Variants in FGD1 observed in about 807,000 individuals in gnomAD.
FGD1 encodes the protein FYVE, RhoGEF and PH domain-containing protein 1.
A neutral mutation model predicts 65.0 loss-of-function variants in FGD1; 12 were observed. The observed-to-expected ratio is 0.18, with a 90% CI of 0.12 to 0.30. FGD1 has a LOEUF of 0.30. FGD1 is among the 10% of genes least tolerant of loss of function. FGD1 has a pLI of 1.00. For missense variants in FGD1, 542 were observed against 837.6 expected (o/e 0.65, Z 4.36); for synonymous variants, 333 against 343.9 (o/e 0.97, Z 0.35).
At chrX:54,449,531 C>T (rs1021998752) in intron 14 of FGD1, 128 bp downstream of exon 14, 3 of 543,678 alleles carry the variant, frequency 5.5e-6, no homozygotes, top group Non-Finnish European at 6.3e-6. Flanking sequence ...AAGACTGCTT[C>T]TGAAGTCATG....
chrX:54,452,266 CAAAAAA>C (rs776104292), intron 12 of FGD1, among the ~76,000 whole-genome samples: 2 of 28,825 alleles, frequency 6.9e-5, no homozygotes, highest in Non-Finnish European at 1.4e-4. Context: ...GACCCTATCT[CAAAAAA>C]AAAAAAAAAA....
At chrX:54,448,710 A>G (rs1297733925) in intron 16 of FGD1, 96 bp downstream of exon 16, 3 of 926,459 alleles carry the variant, frequency 3.2e-6, no homozygotes, top group Admixed American at 4.8e-5. Context: ...CTTGATCACT[A>G]CTGTTTCCCA....
chrX:54,462,378 C>CACTTCCCA (rs1234584253), intron 8 of FGD1, among the ~76,000 whole-genome samples: 9 of 107,678 alleles, frequency 8.4e-5, no homozygotes, highest in African/African-American at 3.1e-4. Flanking sequence ...CACAGCTGTC[C>CACTTCCCA]ACTTCCCATT....
intron 12 of FGD1, among the ~76,000 whole-genome samples, chrX:54,452,053 G>A (rs1168244374): frequency 1.9e-5 from 2 of 107,963 alleles, no homozygotes; most frequent in African/African-American, 3.4e-5. Context: ...GATTGCTTGA[G>A]GCCAGGAGTT....
At position 54,482,236 on chromosome X, in the gene FGD1, G is replaced by GCGCGCACA. The variant is rs796491256; in HGVS notation, c.308-10750_308-10749insTGTGCGCG. ...CAGGCACATGCGCGCGCACACGCGC[G>GCGCGCACA]CACACACACACACACACACACACAC... On this transcript the variant is annotated intron_variant, in intron 1 of 17. Transcript: ENST00000375135. Among the ~76,000 whole-genome samples the GCGCGCACA allele has an allele frequency of 2.8e-3, 276 of 99,380 alleles. 3 individuals are homozygous for GCGCGCACA. Among genetic ancestry groups the GCGCGCACA allele is most frequent in the Middle Eastern group, 0.022 (4 of 185 alleles). The allele number at this position is 99,380 out of a possible 115,157, so 86.3% of individuals were successfully genotyped here.
At chrX:54,481,334 G>A (rs1009129982) in intron 1 of FGD1, among the ~76,000 whole-genome samples, 2 of 106,742 alleles carry the variant, frequency 1.9e-5, no homozygotes, top group African/African-American at 6.9e-5. Context: ...GAGATTGTAA[G>A]AATATGCAGA....
chrX:54,452,842 A>G (rs1922412682), intron 12 of FGD1, among the ~76,000 whole-genome samples: 1 of 111,352 alleles, frequency 9.0e-6, no homozygotes, highest in African/African-American at 3.3e-5. Flanking sequence ...CAATTAAATC[A>G]GAATCTCTGC....
chrX:54,485,479 T>A (rs952503186), intron 1 of FGD1, among the ~76,000 whole-genome samples: 3 of 111,865 alleles, frequency 2.7e-5, no homozygotes, highest in African/African-American at 9.8e-5. Flanking sequence ...ATTTATTTAT[T>A]ATTTTTTGAG....
chrX:54,455,843 C>G (rs1344773318), intron 10 of FGD1, 59 bp from the exon 11 acceptor site: 1 of 960,156 alleles, frequency 1.0e-6, no homozygotes, highest in Non-Finnish European at 1.5e-6. Context: ...TGTGGCCCAG[C>G]TCCTTGCCCT....
chrX:54,482,047 C>G (rs761250296), intron 1 of FGD1, among the ~76,000 whole-genome samples: 1 of 110,791 alleles, frequency 9.0e-6, no homozygotes, highest in Non-Finnish European at 1.9e-5. Context: ...TAGAAACTCC[C>G]ACATACTTAG....
intron 1 of FGD1, among the ~76,000 whole-genome samples, chrX:54,487,348 T>C (rs1264217967): frequency 8.9e-6 from 1 of 112,272 alleles, no homozygotes; most frequent in Non-Finnish European, 1.9e-5. Context: ...GGCTCCCAGA[T>C]CTATACATGG....
chrX:54,476,019 C>A (rs1023917495), intron 1 of FGD1, among the ~76,000 whole-genome samples: 4 of 111,797 alleles, frequency 3.6e-5, no homozygotes, highest in Admixed American at 1.9e-4. Flanking sequence ...AAGCTGAGAT[C>A]GCACCATTGC....
At chrX:54,452,443 TACAC>T (rs1320858612) in intron 12 of FGD1, among the ~76,000 whole-genome samples, 1 of 110,100 alleles carries the variant, frequency 9.1e-6, no homozygotes, top group Non-Finnish European at 1.9e-5. Context: ...TACACCCTGA[TACAC>T]ACATTAAAAT....
chrX:54,460,658 T>C lies in FGD1; in HGVS notation c.1637-4091A>G, dbSNP rs1358818731. ...TAGGAGTCTGAAGCAGGAGAATCGCTTGAACTTGGGAGGCAGAGATTGCAG... is the reference window on the plus strand; with the variant it reads ...TAGGAGTCTGAAGCAGGAGAATCGCCTGAACTTGGGAGGCAGAGATTGCAG... On this transcript the variant is annotated intron_variant, in intron 8 of 17. Transcript: ENST00000375135. 2.7e-5 allele frequency among the ~76,000 whole-genome samples: 3 copies of C among 111,612 alleles called. No individual in the cohort carries two copies. In the East Asian group the frequency reaches 8.4e-4, roughly 31 times the overall value.
At chrX:54,463,375 CCCTAGT>C (rs1314742005) in intron 8 of FGD1, among the ~76,000 whole-genome samples, 2 of 111,634 alleles carry the variant, frequency 1.8e-5, no homozygotes, top group African/African-American at 6.5e-5. Context: ...ATCCACTCCA[CCCTAGT>C]CCTCTCAGTG....
At chrX:54,482,670 A>G (rs764266353) in intron 1 of FGD1, among the ~76,000 whole-genome samples, 36 of 112,112 alleles carry the variant, frequency 3.2e-4, no homozygotes, top group African/African-American at 9.4e-4. Context: ...TTGGAGACAC[A>G]GAAGGATTAT....
At chrX:54,459,388 A>G (rs939062199) in intron 8 of FGD1, among the ~76,000 whole-genome samples, 3 of 110,661 alleles carry the variant, frequency 2.7e-5, no homozygotes, top group Non-Finnish European at 5.7e-5. Flanking sequence ...CTTGGTTTGG[A>G]AGCGTTAGTG....
intron 1 of FGD1, among the ~76,000 whole-genome samples, chrX:54,483,408 G>A (rs1280095608): frequency 8.9e-6 from 1 of 112,507 alleles, no homozygotes; most frequent in African/African-American, 3.2e-5. Context: ...TGGCGGCCCA[G>A]GCCTAGCAGG....
chrX:54,466,906 T>C (rs752115969), intron 6 of FGD1, among the ~76,000 whole-genome samples: 60 of 108,636 alleles, frequency 5.5e-4, no homozygotes, highest in Non-Finnish European at 1.0e-3. Context: ...CCCGCCACCA[T>C]GCCCGGCTAA....
Sources: gnomAD v4.1 joint callset for allele counts (sites outside exome capture counted in the v4.1 genomes callset) on GRCh38, gnomAD v4.1.1 for gene constraint, MANE v1.5 for transcripts, NCBI Gene and HGNC (gene_info 2026-07-23, HGNC 2026-07-21) for gene names.